The following CLCN6 variants were observed in gnomAD, a reference collection of about 807,000 sequenced individuals.
CLCN6 encodes the protein Cl-/H+ antiporter 6.
In CLCN6, 70 loss-of-function variants were observed where a neutral mutation model predicts 109.8. The observed-to-expected ratio is 0.64, with a 90% CI of 0.53 to 0.78. CLCN6 has a LOEUF of 0.78. Ranked by LOEUF, CLCN6 falls within the 30% of genes least tolerant of loss-of-function variation. The probability of loss-of-function intolerance (pLI) is 0.00; values close to 1 mark genes in which losing one functional copy is unlikely to be tolerated. For missense variants in CLCN6, 984 were observed against 1,142.3 expected (o/e 0.86, Z 2.00); for synonymous variants, 444 against 447.8 (o/e 0.99, Z 0.11).
intron 13 of CLCN6, among the ~76,000 whole-genome samples, chr1:11,831,345 C>T (rs1190663445): frequency 6.6e-6 from 1 of 151,786 alleles, no homozygotes; most frequent in Non-Finnish European, 1.5e-5. Flanking sequence ...CTAGTAGAGA[C>T]GGAGTTTCAC....
At chr1:11,828,279 TG>T in intron 11 of CLCN6, 60 bp downstream of exon 11, 8 of 1,510,180 alleles carry the variant, frequency 5.3e-6, no homozygotes, top group Non-Finnish European at 7.4e-6. Flanking sequence ...TCCTCTCAAG[TG>T]AAGGACCAGA....
chr1:11,823,831 GAGGTAAGA>G lies in CLCN6; in HGVS notation c.580+2_580+9del. On this transcript the variant is annotated splice_donor_variant and splice_donor_5th_base_variant and coding_sequence_variant and intron_variant, in exon 7 of 23. Coordinates refer to ENST00000346436, the MANE Select transcript of CLCN6 (RefSeq NM_001286.5). LOFTEE classifies it high-confidence loss of function. ...CTTGGAGTGCTGTTCAGTGTGGCTG[GAGGTAAGA>G]AGGGTCCAACTTGTATCCTTCAAAT... is the stretch of plus-strand genomic sequence containing the variant. The G allele has an allele frequency of 6.2e-7, 1 of 1,614,224 alleles. No individual in the cohort carries two copies. Among genetic ancestry groups the G allele is most frequent in the Non-Finnish European group, 8.5e-7 (1 of 1,180,030 alleles).
At chr1:11,830,740 TA>T (rs796167238) in intron 13 of CLCN6, among the ~76,000 whole-genome samples, 32,463 of 110,100 alleles carry the variant, frequency 0.29, 4,015 homozygotes, top group South Asian at 0.37. Flanking sequence ...GTATATATTA[TA>T]TATATATATA....
intron 12 of CLCN6, among the ~76,000 whole-genome samples, chr1:11,828,866 T>C (rs77327024): frequency 0.037 from 5,643 of 152,302 alleles, 155 homozygotes; most frequent in Middle Eastern, 0.078. Flanking sequence ...CTCGGACACA[T>C]GACAAGGTTA....
intron 13 of CLCN6, chr1:11,830,277 A>G (rs1027449279): frequency 3.3e-5 from 5 of 152,190 alleles, no homozygotes; most frequent in Non-Finnish European, 7.3e-5. Flanking sequence ...ACAGGTGAGC[A>G]TTCTCTAAGT....
At position 11,837,146 on chromosome 1, in the gene CLCN6, C is replaced by G. The variant is rs150177184; in HGVS notation, c.2128C>G (p.Leu710Val). 31 of 1,612,474 alleles carry G rather than the reference C, an allele frequency of 1.9e-5. No homozygotes were observed. Among genetic ancestry groups the G allele is most frequent in the Non-Finnish European group, 2.5e-5 (30 of 1,179,868 alleles). Residue 710 changes from leucine (L) to valine (V), a missense_variant, in exon 19 of 23, where the codon CTG becomes GTG. By Grantham distance (32) the Leu-to-Val change is conservative (BLOSUM62 1). Coordinates refer to ENST00000346436, the MANE Select transcript of CLCN6 (RefSeq NM_001286.5). ...AEKEDLLQQM[L>V]ERRYTPYPNL... ...GAAGGAGGACCTCCTGCAGCAGATG[C>G]TGGAAAGGAGGTGAGAGCCTGGCGG...
chr1:11,827,327 C>G, intron 10 of CLCN6, 106 bp downstream of exon 10: 1 of 1,138,294 alleles, frequency 8.8e-7, no homozygotes, highest in Non-Finnish European at 1.2e-6. Context: ...GGGGGGTCAA[C>G]TGGATCAGAA....
At chr1:11,814,409 C>G (rs1191498407) in intron 2 of CLCN6, among the ~76,000 whole-genome samples, 1 of 151,966 alleles carries the variant, frequency 6.6e-6, no homozygotes, top group Non-Finnish European at 1.5e-5. Context: ...TCCACCACTC[C>G]CAGCTAACTT....
chr1:11,833,114 T>C (rs968991077), intron 13 of CLCN6, among the ~76,000 whole-genome samples: 41 of 152,092 alleles, frequency 2.7e-4, no homozygotes, highest in Non-Finnish European at 5.4e-4. Context: ...GCCCTGGATT[T>C]TCCTCCCCAG....
intron 5 of CLCN6, chr1:11,820,403 C>T (rs749012466): frequency 1.5e-5 from 11 of 716,160 alleles, no homozygotes; most frequent in African/African-American, 1.2e-4. Context: ...AACAAAACTT[C>T]GGGAGACTAT....
chr1:11,836,239 G>A, intron 18 of CLCN6, 86 bp downstream of exon 18: 1 of 1,296,522 alleles, frequency 7.7e-7, no homozygotes, highest in Non-Finnish European at 1.1e-6. Flanking sequence ...ACCCCTGGCT[G>A]GGGTGGACTT....
At chr1:11,838,282 C>T (rs1644974929) in intron 20 of CLCN6, 53 bp from the exon 21 acceptor site, 1 of 1,526,090 alleles carries the variant, frequency 6.6e-7, no homozygotes, top group Admixed American at 1.7e-5. Context: ...TCTAAGGTGA[C>T]CCTGCTGGCC....
chr1:11,842,557 C>G lies in CLCN6; in HGVS notation c.*2334C>G, dbSNP rs1197663435. 6.5e-6 allele frequency: 1 copy of G among 152,744 alleles called. No homozygotes were observed. The highest frequency in any genetic ancestry group is 1.5e-5 in the Non-Finnish European group (1 of 68,088). The allele number at this position is 152,744 out of a possible 1,614,324, so 9.5% of individuals were successfully genotyped here. On this transcript the variant is annotated 3_prime_UTR_variant, in exon 23 of 23. Coordinates refer to ENST00000346436, the MANE Select transcript of CLCN6 (RefSeq NM_001286.5). ...TTCAGCATCTCACCCATTAGCAGCC[C>G]CATCACCCAGTGATCAGTCGCCTCA...
At chr1:11,817,400 G>A (rs1644687539) in intron 4 of CLCN6, among the ~76,000 whole-genome samples, 1 of 152,184 alleles carries the variant, frequency 6.6e-6, no homozygotes, top group Non-Finnish European at 1.5e-5. Flanking sequence ...CTCCCCGTAC[G>A]TCGTTAATGT....
rs549340091 is a variant in CLCN6 at position 11,828,744 on chromosome 1, T to G, written c.1121+120T>G. 4.5e-6 allele frequency: 5 copies of G among 1,100,292 alleles called. No individual in the cohort carries two copies. The South Asian group carries it at 6.1e-5, about 14-fold the overall frequency. 68.2% of individuals were successfully genotyped at this position (1,100,292 alleles called of 1,614,324 possible). A position where few individuals can be genotyped will look rare whatever the true frequency, so the allele number is the denominator to read the frequency against. Reference sequence around the variant, plus strand: ...ACGGCTTTGATTTCTCATCTAAGACTGAGAATCTAAACACGGCCATGCATC... The same window carrying G: ...ACGGCTTTGATTTCTCATCTAAGACGGAGAATCTAAACACGGCCATGCATC... On this transcript the variant is annotated intron_variant, in intron 12 of 22. Transcript: ENST00000346436.
intron 5 of CLCN6, chr1:11,820,311 G>A (rs1225195377): frequency 2.8e-6 from 2 of 707,806 alleles, no homozygotes; most frequent in Admixed American, 2.0e-5. Context: ...CTGGGACATG[G>A]GTGATCCATA....
chr1:11,807,149 C>G lies in CLCN6; in HGVS notation c.106C>G (p.Gln36Glu). Residue 36 changes from glutamine (Q) to glutamate (E), a missense_variant, in exon 2 of 23, where the codon CAG becomes GAG. By Grantham distance (29) the Gln-to-Glu change is conservative. Coordinates refer to ENST00000346436, the MANE Select transcript of CLCN6 (RefSeq NM_001286.5). ...PEELTILGET[Q>E]EEEDEILPRK... ...TTTCTAGACCATCCTTGGAGAAACACAGGAGGAGGAGGATGAGATTCTTCC... is the reference window on the plus strand; with the variant it reads ...TTTCTAGACCATCCTTGGAGAAACAGAGGAGGAGGAGGATGAGATTCTTCC... 2 of 1,614,088 alleles carry G rather than the reference C, an allele frequency of 1.2e-6. No individual in the cohort carries two copies. Among genetic ancestry groups the G allele is most frequent in the African/African-American group, 1.3e-5 (1 of 75,034 alleles).
At chr1:11,811,637 C>T (rs1434328187) in intron 2 of CLCN6, among the ~76,000 whole-genome samples, 1 of 152,130 alleles carries the variant, frequency 6.6e-6, no homozygotes, top group African/African-American at 2.4e-5. Context: ...CCGCCTTGGC[C>T]TCCCAAAGTG....
rs1334002270 is a variant in CLCN6 at position 11,840,165 on chromosome 1, A to G, written c.2552A>G (p.His851Arg). 1.2e-6 allele frequency: 2 copies of G among 1,613,856 alleles called. No individual in the cohort carries two copies. The highest frequency in any genetic ancestry group is 2.7e-5 in the African/African-American group (2 of 74,940). ...TAGATCGTGGGGATCATCACACGGCACAACCTCACCTATGAATTTCTGCAG... is the reference window on the plus strand; with the variant it reads ...TAGATCGTGGGGATCATCACACGGCGCAACCTCACCTATGAATTTCTGCAG... The part of the protein sequence containing the change: ...VGEIVGIITR[H>R]NLTYEFLQAR... Residue 851 changes from histidine to arginine, a missense_variant, in exon 23 of 23, where the codon CAC (histidine) becomes CGC (arginine). Transcript: ENST00000346436.
Sources: allele counts gnomAD v4.1 joint callset (sites outside exome capture counted in the v4.1 genomes callset), GRCh38; gene constraint gnomAD v4.1.1; transcripts MANE v1.5; gene names NCBI Gene and HGNC (gene_info 2026-07-23, HGNC 2026-07-21).